DAB1: variants seen among roughly 807,000 people sequenced by gnomAD.
DAB1 encodes DAB adaptor protein 1.
A neutral mutation model predicts 64.6 loss-of-function variants in DAB1; 15 were observed. The observed-to-expected ratio is 0.23, with a 90% CI of 0.16 to 0.36. The LOEUF is 0.36. Among genes scored for constraint, DAB1 ranks in the 10% least tolerant of loss-of-function variants. The pLI is 1.00. For synonymous variants in DAB1, 235 were observed against 251.9 expected (o/e 0.93, Z 0.64); for missense variants, 596 against 706.7 (o/e 0.84, Z 1.78).
chr1:58,225,900 T>C (rs563654826), intron 4 of DAB1, among the ~76,000 whole-genome samples: 3 of 148,750 alleles, frequency 2.0e-5, no homozygotes, highest in African/African-American at 7.4e-5. Flanking sequence ...ACATGGCACA[T>C]GTATACATAT....
chr1:58,282,573 A>G (rs569373320), intron 4 of DAB1, among the ~76,000 whole-genome samples: 1 of 150,768 alleles, frequency 6.6e-6, no homozygotes, highest in African/African-American at 2.4e-5. Flanking sequence ...ATCATTTGAA[A>G]TATTTATAAG....
intron 4 of DAB1, among the ~76,000 whole-genome samples, chr1:58,257,135 C>G (rs935459589): frequency 6.6e-6 from 1 of 152,158 alleles, no homozygotes; most frequent in Non-Finnish European, 1.5e-5. Flanking sequence ...GTATAATTAT[C>G]CAGAGCCTAC....
intron 7 of DAB1, among the ~76,000 whole-genome samples, chr1:57,649,425 G>A (rs898556536): frequency 1.3e-5 from 2 of 152,102 alleles, no homozygotes; most frequent in South Asian, 2.1e-4. Flanking sequence ...AAAGCAACCC[G>A]AAGCACCAAT....
At chr1:57,257,010 A>C (rs1669816798) in intron 2 of DAB1, among the ~76,000 whole-genome samples, 1 of 152,200 alleles carries the variant, frequency 6.6e-6, no homozygotes, top group Non-Finnish European at 1.5e-5. Context: ...GTTTTTAGAA[A>C]GCTGTGATGT....
intron 5 of DAB1, among the ~76,000 whole-genome samples, chr1:57,912,028 C>G (rs972864841): frequency 2.6e-5 from 4 of 152,180 alleles, no homozygotes; most frequent in African/African-American, 9.7e-5. Flanking sequence ...ATACGTCCAG[C>G]GCACTAAAGC....
rs184476311 is a variant in DAB1 at position 57,233,547 on chromosome 1, T to C, written c.67+57417A>G. 2.7e-3 allele frequency among the ~76,000 whole-genome samples: 410 copies of C among 151,558 alleles called. 3 individuals carry two copies. Among genetic ancestry groups the C allele is most frequent in the Middle Eastern group, 0.01 (3 of 294 alleles). Reference sequence around the variant, plus strand: ...AGCCCGAGGCAGGTGGATCACGAGGTCAGGGGTTCGAGACCGGCCTGACCA... The same window carrying C: ...AGCCCGAGGCAGGTGGATCACGAGGCCAGGGGTTCGAGACCGGCCTGACCA... On this transcript the variant is annotated intron_variant, in intron 2 of 14. Transcript: ENST00000371236.
At chr1:57,707,314 A>G (rs1646979741) in intron 6 of DAB1, among the ~76,000 whole-genome samples, 1 of 151,420 alleles carries the variant, frequency 6.6e-6, no homozygotes, top group Non-Finnish European at 1.5e-5. Context: ...AATGCTCTTG[A>G]GATCCATTCA....
chr1:57,496,192 G>C (rs915257075), intron 7 of DAB1, among the ~76,000 whole-genome samples: 1 of 152,086 alleles, frequency 6.6e-6, no homozygotes, highest in Non-Finnish European at 1.5e-5. Context: ...TAATGCCCTT[G>C]GGACTGGGCT....
At chr1:57,382,471 C>A (rs1000705387) in intron 1 of DAB1, among the ~76,000 whole-genome samples, 1 of 152,120 alleles carries the variant, frequency 6.6e-6, no homozygotes, top group South Asian at 2.1e-4. Flanking sequence ...TGGTTCAAAA[C>A]AATAGAATTT....
chr1:58,175,029 C>T (rs1363532221), intron 4 of DAB1, among the ~76,000 whole-genome samples: 1 of 152,250 alleles, frequency 6.6e-6, no homozygotes, highest in East Asian at 1.9e-4. Context: ...GGAATAAAAG[C>T]TGGCCACCTG....
intron 2 of DAB1, among the ~76,000 whole-genome samples, chr1:58,508,652 C>T (rs1450139899): frequency 1.3e-5 from 2 of 152,012 alleles, no homozygotes; most frequent in African/African-American, 2.4e-5. Flanking sequence ...TAAGAGCTGC[C>T]CTAGGAACTG....
At chr1:57,127,636 A>G (rs1657247105) in intron 4 of DAB1, among the ~76,000 whole-genome samples, 1 of 152,200 alleles carries the variant, frequency 6.6e-6, no homozygotes, top group African/African-American at 2.4e-5. Flanking sequence ...GGCACCCAGT[A>G]GGTGCTCAAT....
chr1:57,917,911 G>A (rs1306613108), intron 5 of DAB1, among the ~76,000 whole-genome samples: 2 of 151,848 alleles, frequency 1.3e-5, no homozygotes, highest in African/African-American at 4.8e-5. Context: ...TTCTAAAAAT[G>A]TGATTTCCTA....
intron 2 of DAB1, among the ~76,000 whole-genome samples, chr1:57,238,897 C>CT: frequency 8.0e-6 from 1 of 125,000 alleles, no homozygotes; most frequent in Non-Finnish European, 1.7e-5. Context: ...ACACACACCC[C>CT]TAACTTGAAA....
intron 7 of DAB1, among the ~76,000 whole-genome samples, chr1:57,435,093 G>C (rs1685648387): frequency 7.2e-6 from 1 of 139,152 alleles, no homozygotes; most frequent in Non-Finnish European, 1.5e-5. Context: ...CTGTCACCCA[G>C]GCTGGAGCGT....
At chr1:58,024,233 G>A (rs1038230578) in intron 5 of DAB1, among the ~76,000 whole-genome samples, 2 of 152,164 alleles carry the variant, frequency 1.3e-5, no homozygotes, top group Non-Finnish European at 2.9e-5. Context: ...AAAGGCCTGT[G>A]TATCTTTGCC....
intron 1 of DAB1, among the ~76,000 whole-genome samples, chr1:57,849,559 G>A (rs1374648234): frequency 6.6e-6 from 1 of 152,184 alleles, no homozygotes; most frequent in African/African-American, 2.4e-5. Context: ...GAGGCAAGGA[G>A]AACTTGAGAA....
At chr1:58,445,983 T>C (rs1645061336) in intron 3 of DAB1, among the ~76,000 whole-genome samples, 1 of 152,134 alleles carries the variant, frequency 6.6e-6, no homozygotes, top group African/African-American at 2.4e-5. Flanking sequence ...AAGCAACCAT[T>C]CTGATTTGCC....
chr1:57,924,587 G>A (rs1017346636), intron 5 of DAB1, among the ~76,000 whole-genome samples: 1 of 150,348 alleles, frequency 6.7e-6, no homozygotes, highest in Admixed American at 6.6e-5. Context: ...AGCCTCCCGA[G>A]TAGCTGGGAT....
Sources: gnomAD v4.1 joint callset for allele counts (sites outside exome capture counted in the v4.1 genomes callset) on GRCh38, gnomAD v4.1.1 for gene constraint, MANE v1.5 for transcripts, NCBI Gene and HGNC (gene_info 2026-07-23, HGNC 2026-07-21) for gene names.